Variants in UBAP1 observed in about 807,000 individuals in gnomAD.
UBAP1 encodes the protein ubiquitin associated protein 1.
A neutral mutation model predicts 39.0 loss-of-function variants in UBAP1; 5 were observed. The ratio of observed to expected loss-of-function variants is 0.13; its 90% CI spans 0.07 to 0.27. The LOEUF (loss-of-function observed/expected upper bound fraction) is 0.27. Among genes scored for constraint, UBAP1 ranks in the 10% least tolerant of loss-of-function variants. The probability of loss-of-function intolerance (pLI) is 1.00; values close to 1 mark genes in which losing one functional copy is unlikely to be tolerated. For synonymous variants in UBAP1, 211 were observed against 225.1 expected (o/e 0.94, Z 0.56); for missense variants, 490 against 608.1 (o/e 0.81, Z 2.04).
intron 1 of UBAP1, among the ~76,000 whole-genome samples, chr9:34,205,252 A>G (rs1284821791): frequency 6.6e-6 from 1 of 152,124 alleles, no homozygotes; most frequent in Non-Finnish European, 1.5e-5. Context: ...CCTGGGCTCA[A>G]GTGATCTTCC....
At chr9:34,184,300 A>T (rs987811239) in intron 1 of UBAP1, among the ~76,000 whole-genome samples, 1 of 151,794 alleles carries the variant, frequency 6.6e-6, no homozygotes, top group African/African-American at 2.4e-5. Context: ...CTAATGAGCC[A>T]GGATTGTTAA....
intron 1 of UBAP1, among the ~76,000 whole-genome samples, chr9:34,213,928 C>CAAA (rs551770576): frequency 0.036 from 5,158 of 142,114 alleles, 164 homozygotes; most frequent in Middle Eastern, 0.12. Flanking sequence ...ACAACAGCTG[C>CAAA]AAAAAAAAAA....
intron 1 of UBAP1, among the ~76,000 whole-genome samples, chr9:34,217,374 C>T (rs1239119221): frequency 6.6e-6 from 1 of 152,016 alleles, no homozygotes; most frequent in Non-Finnish European, 1.5e-5. Flanking sequence ...GTAGTTGAGA[C>T]TACAGGCATG....
At chr9:34,201,178 G>A (rs1226610069) in intron 1 of UBAP1, 1 of 152,170 alleles carries the variant, frequency 6.6e-6, no homozygotes, top group African/African-American at 2.4e-5. Flanking sequence ...GCCTCCCAAA[G>A]TGCTGGGATT....
intron 1 of UBAP1, among the ~76,000 whole-genome samples, chr9:34,206,692 G>T (rs1831715271): frequency 6.6e-6 from 1 of 152,076 alleles, no homozygotes; most frequent in Non-Finnish European, 1.5e-5. Context: ...CTAGCTGTAT[G>T]TGTAGAGTGA....
chr9:34,226,171 A>T (rs1270345315), intron 2 of UBAP1, among the ~76,000 whole-genome samples: 3 of 71,582 alleles, frequency 4.2e-5, no homozygotes, highest in Non-Finnish European at 6.3e-5. Context: ...GGCTGGAGGG[A>T]TTGCTTGAGG....
In UBAP1 at chr9:34,217,783, C is replaced by CTTTTTTTTTT. The variant is rs750494361; in HGVS notation, c.-7-3104_-7-3095dup. The stretch of plus-strand genomic sequence containing the variant: ...TTGTCATAAATGACAGGATTTCGTT[C>CTTTTTTTTTT]TTTTTTTTTTTTTTTTTTTTTTTTT... On this transcript the variant is annotated intron_variant, in intron 1 of 6. Transcript: ENST00000297661. Among the ~76,000 whole-genome samples, 83 of 41,228 alleles carry CTTTTTTTTTT rather than the reference C, an allele frequency of 2.0e-3. 22 individuals are homozygous for CTTTTTTTTTT. The highest frequency in any genetic ancestry group is 2.4e-3 in the Admixed American group (5 of 2,056). 27.0% of individuals were successfully genotyped at this position (41,228 alleles called of 152,430 possible). A position where few individuals can be genotyped will look rare whatever the true frequency, so the allele number is the denominator to read the frequency against.
intron 1 of UBAP1, among the ~76,000 whole-genome samples, chr9:34,212,783 G>C (rs1466732838): frequency 1.3e-5 from 2 of 152,152 alleles, no homozygotes; most frequent in Admixed American, 6.5e-5. Flanking sequence ...GACATTCAAA[G>C]AAGAGTTGGT....
intron 2 of UBAP1, 80 bp from the exon 3 acceptor site, chr9:34,234,136 A>G: frequency 7.0e-7 from 1 of 1,418,862 alleles, no homozygotes; most frequent in Non-Finnish European, 9.5e-7. Flanking sequence ...AAATTAATGC[A>G]TATCCGTTAG....
In UBAP1 at chr9:34,251,685, T is replaced by A; in HGVS notation, c.*153T>A. The A allele has an allele frequency of 1.2e-6, 1 of 840,088 alleles. No individual in the cohort carries two copies. The highest frequency in any genetic ancestry group is 1.8e-6 in the Non-Finnish European group (1 of 557,304). 52.0% of individuals were successfully genotyped at this position (840,088 alleles called of 1,614,324 possible). On this transcript the variant is annotated 3_prime_UTR_variant, in exon 7 of 7. Coordinates refer to ENST00000297661, the MANE Select transcript of UBAP1 (RefSeq NM_016525.5). ...GACTGCTCGCCAGTCTCTGTGAGCC[T>A]AGGCCCTGAGCTGGGGAGGTGGGGA...
rs1476563575 is a variant in UBAP1, at chr9:34,231,255, C to T, written c.35-2961C>T. On this transcript the variant is annotated intron_variant, in intron 2 of 6. Coordinates refer to ENST00000297661, the MANE Select transcript of UBAP1 (RefSeq NM_016525.5). ...ATTTATTTATTTTGAGATGGAGTTT[C>T]ACTCTTGTTGCCCAGGCTGGAGTGC... Among the ~76,000 whole-genome samples, 26 of 151,494 alleles carry T rather than the reference C, an allele frequency of 1.7e-4. No individual in the cohort carries two copies. The Admixed American group carries it at 1.7e-3, about 10-fold the overall frequency.
intron 2 of UBAP1, among the ~76,000 whole-genome samples, chr9:34,227,528 T>C (rs1833167991): frequency 6.6e-6 from 1 of 152,196 alleles, no homozygotes; most frequent in African/African-American, 2.4e-5. Context: ...TGTACTTTTT[T>C]TAGAAAAAAC....
intron 1 of UBAP1, among the ~76,000 whole-genome samples, chr9:34,213,567 C>A (rs555022241): frequency 1.3e-5 from 2 of 152,144 alleles, no homozygotes; most frequent in Admixed American, 1.3e-4. Context: ...CAACCTAATA[C>A]TGAATGGGGA....
chr9:34,181,989 G>C (rs1024193933), intron 1 of UBAP1, among the ~76,000 whole-genome samples: 3 of 148,192 alleles, frequency 2.0e-5, no homozygotes, highest in African/African-American at 7.6e-5. Context: ...TTGTAGAGAA[G>C]GGGTCTCTTA....
intron 1 of UBAP1, among the ~76,000 whole-genome samples, chr9:34,217,030 C>T (rs1389335490): frequency 6.6e-6 from 1 of 152,132 alleles, no homozygotes; most frequent in Non-Finnish European, 1.5e-5. Flanking sequence ...CCCTTTACTA[C>T]CCTCCCCACC....
chr9:34,196,938 T>TG (rs1393315839), intron 1 of UBAP1, among the ~76,000 whole-genome samples: 69 of 93,126 alleles, frequency 7.4e-4, no homozygotes, highest in Admixed American at 4.2e-3. Flanking sequence ...GTGTGTGTGT[T>TG]TTTAATTGAG....
In UBAP1 at chr9:34,252,258, G is replaced by C. The variant is rs1476691747; in HGVS notation, c.*726G>C. On this transcript the variant is annotated 3_prime_UTR_variant, in exon 7 of 7. Coordinates refer to ENST00000297661, the MANE Select transcript of UBAP1 (RefSeq NM_016525.5). The stretch of plus-strand genomic sequence containing the variant: ...TGGCCCCTTCCCAGCACATTGAATG[G>C]GTAAGCAGACAGGCCATGATTTAGT... The C allele has an allele frequency of 6.6e-6, 1 of 152,540 alleles. No homozygotes were observed. Among genetic ancestry groups the C allele is most frequent in the African/African-American group, 2.4e-5 (1 of 41,400 alleles). The allele number at this position is 152,540 out of a possible 1,614,324, so 9.4% of individuals were successfully genotyped here.
At chr9:34,189,680 A>G (rs1361384754) in intron 1 of UBAP1, among the ~76,000 whole-genome samples, 1 of 152,090 alleles carries the variant, frequency 6.6e-6, no homozygotes, top group Non-Finnish European at 1.5e-5. Flanking sequence ...CTTGTTGCCC[A>G]GGCTGGAGTG....
intron 2 of UBAP1, among the ~76,000 whole-genome samples, chr9:34,232,706 A>T (rs184737313): frequency 1.4e-4 from 21 of 152,332 alleles, no homozygotes; most frequent in Non-Finnish European, 2.9e-4. Flanking sequence ...AGATCTACAC[A>T]GTTTTCGTAA....
Sources: allele counts gnomAD v4.1 joint callset (sites outside exome capture counted in the v4.1 genomes callset), GRCh38; gene constraint gnomAD v4.1.1; transcripts MANE v1.5; gene names NCBI Gene and HGNC (gene_info 2026-07-23, HGNC 2026-07-21).